The following LSM1 variants were observed in gnomAD, a reference collection of about 807,000 sequenced individuals.
LSM1 encodes U6 snRNA-associated Sm-like protein LSm1.
Under a neutral mutation model 18.0 loss-of-function variants are expected in LSM1, and 13 were observed. That is an observed-to-expected ratio of 0.72 (90% CI 0.47 to 1.15). The LOEUF is 1.15. Ranked by LOEUF, LSM1 falls within the 50% of genes most tolerant of loss-of-function variation. The probability of loss-of-function intolerance (pLI) is 0.00; values close to 1 mark genes in which losing one functional copy is unlikely to be tolerated. For missense variants in LSM1, 152 were observed against 157.7 expected (o/e 0.96, Z 0.19); for synonymous variants, 46 against 56.0 (o/e 0.82, Z 0.80).
chr8:38,165,252 C>T (rs980116960), intron 3 of LSM1, among the ~76,000 whole-genome samples: 1 of 152,066 alleles, frequency 6.6e-6, no homozygotes, highest in African/African-American at 2.4e-5. Context: ...ACTTGGGAGG[C>T]TGAGGCAGGA....
intron 3 of LSM1, among the ~76,000 whole-genome samples, chr8:38,168,349 G>A (rs1174753168): frequency 6.6e-6 from 1 of 151,508 alleles, no homozygotes; most frequent in East Asian, 2.0e-4. Flanking sequence ...CCAGCACACT[G>A]GGAGGCCGAG....
At chr8:38,164,572 A>G (rs1048407080) in intron 3 of LSM1, among the ~76,000 whole-genome samples, 1 of 151,328 alleles carries the variant, frequency 6.6e-6, no homozygotes, top group Non-Finnish European at 1.5e-5. Context: ...TCGTAATCCC[A>G]GCACTTTGGG....
chr8:38,170,931 T>C, intron 2 of LSM1: 1 of 372,122 alleles, frequency 2.7e-6, no homozygotes. Flanking sequence ...TCCTTTTAAG[T>C]GTTTTAATTA....
chr8:38,168,471 A>G lies in LSM1; in HGVS notation c.231+1331T>C, dbSNP rs563269526. The stretch of plus-strand genomic sequence containing the variant: ...CTGGGCTTGGTTGCGGGCACCTGTA[A>G]TCCCAGCTACTCGGGAGGCTGAGGC... On this transcript the variant is annotated intron_variant, in intron 3 of 3. Transcript: ENST00000311351. Among the ~76,000 whole-genome samples the G allele has an allele frequency of 1.6e-4, 24 of 151,344 alleles. No individual in the cohort carries two copies. In the East Asian group the frequency reaches 4.8e-3, roughly 30 times the overall value.
chr8:38,176,278 C>G lies in LSM1; in HGVS notation c.43G>C (p.Asp15His), dbSNP rs546734409. The change falls in exon 1 of 4, where the codon GAC (aspartate) becomes CAC (histidine). Residue 15 changes from aspartate to histidine, a missense_variant. By Grantham distance (81) the Asp-to-His change is moderately conservative. Coordinates refer to ENST00000311351, the MANE Select transcript of LSM1 (RefSeq NM_014462.3). ...PGTASLIEDIDKKHLVLLRDG... is the reference protein window; with the variant it reads ...PGTASLIEDIHKKHLVLLRDG... ...CGGGAGGAGATAAACTACTCACTGT[C>G]AATGTCCTCGATGAGGCTGGCGGTG... 1 of 1,613,666 alleles carries G rather than the reference C, an allele frequency of 6.2e-7. No homozygotes were observed. Among genetic ancestry groups the G allele is most frequent in the East Asian group, 2.2e-5 (1 of 44,866 alleles).
At chr8:38,165,102 A>G (rs1319255138) in intron 3 of LSM1, among the ~76,000 whole-genome samples, 1 of 152,024 alleles carries the variant, frequency 6.6e-6, no homozygotes, top group Non-Finnish European at 1.5e-5. Flanking sequence ...TAATCCCAGC[A>G]CACTGGGAAG....
chr8:38,176,214 G>A (rs1044713796), intron 1 of LSM1, 61 bp downstream of exon 1: 7 of 1,475,438 alleles, frequency 4.7e-6, no homozygotes, highest in Non-Finnish European at 6.6e-6. Context: ...TTCGGAAGAG[G>A]CGCCCGCCCG....
At chr8:38,173,305 G>C (rs140511083) in intron 1 of LSM1, among the ~76,000 whole-genome samples, 96 of 151,642 alleles carry the variant, frequency 6.3e-4, no homozygotes, top group Non-Finnish European at 1.3e-3. Context: ...CTGTATTTCT[G>C]AAGGAGGTAT....
chr8:38,171,912 T>C (rs1354195272), intron 2 of LSM1, 53 bp downstream of exon 2: 1 of 1,320,894 alleles, frequency 7.6e-7, no homozygotes, highest in Non-Finnish European at 1.1e-6. Context: ...AAAAATGCAA[T>C]GGGCTGCTGT....
intron 2 of LSM1, among the ~76,000 whole-genome samples, chr8:38,170,632 G>C (rs1050321148): frequency 6.6e-6 from 1 of 152,126 alleles, no homozygotes; most frequent in African/African-American, 2.4e-5. Flanking sequence ...TGTATGTGAT[G>C]ATCTGCTGAA....
At chr8:38,164,782 G>A (rs1225878913) in intron 3 of LSM1, among the ~76,000 whole-genome samples, 2 of 152,048 alleles carry the variant, frequency 1.3e-5, no homozygotes, top group Admixed American at 6.6e-5. Context: ...GCTGCAGTGA[G>A]CCATGAATGT....
intron 3 of LSM1, among the ~76,000 whole-genome samples, chr8:38,169,202 T>A (rs1250117503): frequency 6.6e-6 from 1 of 151,870 alleles, no homozygotes; most frequent in African/African-American, 2.4e-5. Context: ...CTAGTAGGGG[T>A]GTGTGTGTGT....
chr8:38,165,847 G>A (rs1417208306), intron 3 of LSM1, among the ~76,000 whole-genome samples: 1 of 152,040 alleles, frequency 6.6e-6, no homozygotes, highest in Non-Finnish European at 1.5e-5. Context: ...CACCACTGCA[G>A]TCAGCCTAGA....
chr8:38,175,964 C>A (rs879595087), intron 1 of LSM1: 28 of 310,808 alleles, frequency 9.0e-5, no homozygotes, highest in South Asian at 1.6e-4. Flanking sequence ...AAGCCCCCCC[C>A]CTCCCCGGGC....
chr8:38,165,716 A>G (rs1341554169), intron 3 of LSM1, among the ~76,000 whole-genome samples: 2 of 151,238 alleles, frequency 1.3e-5, no homozygotes, highest in African/African-American at 4.9e-5. Context: ...AAAAAAAAAA[A>G]GTAAAAAATA....
At chr8:38,171,501 T>C (rs1803030154) in intron 2 of LSM1, among the ~76,000 whole-genome samples, 1 of 152,186 alleles carries the variant, frequency 6.6e-6, no homozygotes, top group African/African-American at 2.4e-5. Flanking sequence ...ACCCCGTCTC[T>C]ACTAAAAATA....
intron 2 of LSM1, 33 bp from the exon 3 acceptor site, chr8:38,169,950 T>A: frequency 9.1e-7 from 1 of 1,094,166 alleles, no homozygotes; most frequent in Non-Finnish European, 1.4e-6. Flanking sequence ...CAAAGATATT[T>A]AGTTTAAACT....
chr8:38,169,245 T>A (rs1412265026), intron 3 of LSM1, among the ~76,000 whole-genome samples: 2 of 152,156 alleles, frequency 1.3e-5, no homozygotes, highest in Non-Finnish European at 2.9e-5. Flanking sequence ...ACAGCAACAA[T>A]ACCTCAGAAA....
intron 2 of LSM1, among the ~76,000 whole-genome samples, chr8:38,170,134 T>C (rs1802999722): frequency 6.6e-6 from 1 of 152,214 alleles, no homozygotes. Flanking sequence ...CTCTGCCTAC[T>C]GGTTCAAGCA....
Sources: allele counts gnomAD v4.1 joint callset (sites outside exome capture counted in the v4.1 genomes callset), GRCh38; gene constraint gnomAD v4.1.1; transcripts MANE v1.5; gene names NCBI Gene and HGNC (gene_info 2026-07-23, HGNC 2026-07-21).